Variants in IKBKB observed in about 807,000 individuals in gnomAD.
IKBKB encodes the protein inhibitor of nuclear factor kappa-B kinase subunit beta.
Under a neutral mutation model 113.6 loss-of-function variants are expected in IKBKB, and 42 were observed. The ratio of observed to expected loss-of-function variants is 0.37; its 90% CI spans 0.29 to 0.48. The LOEUF (loss-of-function observed/expected upper bound fraction) is 0.48, where lower values mean the gene tolerates loss of function less well. IKBKB is among the 20% of genes least tolerant of loss of function. The pLI is 0.99. For missense variants in IKBKB, 673 were observed against 939.7 expected, an observed-to-expected ratio of 0.72 and a Z score of 3.71; for synonymous variants, 296 against 361.3, an observed-to-expected ratio of 0.82 and a Z score of 2.05.
intron 19 of IKBKB, 192 bp from the exon 20 acceptor site, chr8:42,325,778 T>A: frequency 7.0e-7 from 1 of 1,422,208 alleles, no homozygotes; most frequent in Non-Finnish European, 9.2e-7. Flanking sequence ...AAGTCTCCGT[T>A]GATACAGAAA....
chr8:42,271,423 T>TCCCCCCCCCGGGGGCCCCCCCCCCCCCC lies in IKBKB; in HGVS notation c.-61_-60insCCCCCGGGGGCCCCCCCCCCCCCCCCCC. The TCCCCCCCCCGGGGGCCCCCCCCCCCCCC allele has an allele frequency of 6.7e-7, 1 of 1,488,672 alleles. No homozygotes were observed. The highest frequency in any genetic ancestry group is 9.0e-7 in the Non-Finnish European group (1 of 1,111,968). The allele number at this position is 1,488,672 out of a possible 1,614,324, so 92.2% of individuals were successfully genotyped here. A position where few individuals can be genotyped will look rare whatever the true frequency, so the allele number is the denominator to read the frequency against. The stretch of plus-strand genomic sequence containing the variant: ...GGGTTTGGCCGCCCCAGCCCCGCCT[T>TCCCCCCCCCGGGGGCCCCCCCCCCCCCC]CCCCGCCCCGGGGAGCCCGCCCCCT... On this transcript the variant is annotated 5_prime_UTR_variant, in exon 1 of 22. It removes the in-frame stop codon of an upstream open reading frame in the 5' UTR. Coordinates refer to ENST00000520810, the MANE Select transcript of IKBKB (RefSeq NM_001556.3).
chr8:42,330,275 T>C, intron 21 of IKBKB: 2 of 984,498 alleles, frequency 2.0e-6, no homozygotes, highest in Non-Finnish European at 2.4e-6. Context: ...AGTTTGAATA[T>C]GTAACTTAGC....
chr8:42,326,714 G>A (rs1201121758), intron 20 of IKBKB, among the ~76,000 whole-genome samples: 1 of 152,086 alleles, frequency 6.6e-6, no homozygotes, highest in South Asian at 2.1e-4. Context: ...GTCTCATCTG[G>A]GCCAGCAGTG....
At chr8:42,329,665 C>T in intron 21 of IKBKB, 1 of 985,226 alleles carries the variant, frequency 1.0e-6, no homozygotes, top group Non-Finnish European at 1.2e-6. Flanking sequence ...AGAAGCCTGT[C>T]CCCACCTGCA....
intron 2 of IKBKB, among the ~76,000 whole-genome samples, chr8:42,286,582 C>T (rs1811466807): frequency 6.6e-6 from 1 of 152,216 alleles, no homozygotes. Flanking sequence ...CCTCCCACCT[C>T]AGCCTCCTGA....
In IKBKB at chr8:42,331,477, T is replaced by C. The variant is rs201491309; in HGVS notation, c.*498T>C. On this transcript the variant is annotated 3_prime_UTR_variant, in exon 22 of 22. Transcript: ENST00000520810. Reference sequence around the variant, plus strand: ...TCCAAAGGCCCTGCTCCCTGTCCTCTCTCACTTTACAGCTTGTGTTTCTTC... The same window carrying C: ...TCCAAAGGCCCTGCTCCCTGTCCTCCCTCACTTTACAGCTTGTGTTTCTTC... 2.9e-6 allele frequency: 2 copies of C among 693,376 alleles called. No individual in the cohort carries two copies. The highest frequency in any genetic ancestry group is 5.3e-6 in the Non-Finnish European group (2 of 379,958). 43.0% of individuals were successfully genotyped at this position (693,376 alleles called of 1,614,324 possible).
At position 42,308,757 on chromosome 8, in the gene IKBKB, T is replaced by G; in HGVS notation, c.568-144T>G. 3 of 703,208 alleles carry G rather than the reference T, an allele frequency of 4.3e-6. No homozygotes were observed. In the South Asian group the frequency reaches 5.2e-5, roughly 12 times the overall value. The allele number at this position is 703,208 out of a possible 1,614,324, so 43.6% of individuals were successfully genotyped here. ...GCATGATATACCCGCTAAACATGCC[T>G]GGGGTGCCCTCCTCGCCCTGCATGC... On this transcript the variant is annotated intron_variant, in intron 7 of 21. Transcript: ENST00000520810.
intron 2 of IKBKB, among the ~76,000 whole-genome samples, chr8:42,282,268 T>C (rs1437224995): frequency 2.0e-5 from 3 of 152,348 alleles, no homozygotes; most frequent in African/African-American, 7.2e-5. Flanking sequence ...AACGCAGGTC[T>C]CGCTCTATTG....
chr8:42,274,061 C>T (rs775700922), intron 2 of IKBKB, among the ~76,000 whole-genome samples: 27 of 151,812 alleles, frequency 1.8e-4, no homozygotes, highest in Non-Finnish European at 3.5e-4. Flanking sequence ...GACAGAGTCT[C>T]GCACTGTTGC....
At position 42,315,895 on chromosome 8, in the gene IKBKB, T is replaced by G. The variant is rs372912450; in HGVS notation, c.801-315T>G. ...CCAGGCTGGTCTCAAACTCCTGACC[T>G]CAAGTGATCCACCTGCTTTGGCCTC... On this transcript the variant is annotated intron_variant, in intron 9 of 21. Coordinates refer to ENST00000520810, the MANE Select transcript of IKBKB (RefSeq NM_001556.3). Among the ~76,000 whole-genome samples the G allele has an allele frequency of 2.4e-3, 360 of 152,254 alleles. 5 individuals are homozygous for G. The Middle Eastern group carries it at 0.024, about 10-fold the overall frequency.
At chr8:42,284,879 CAG>C (rs1488985367) in intron 2 of IKBKB, among the ~76,000 whole-genome samples, 1 of 115,974 alleles carries the variant, frequency 8.6e-6, no homozygotes, top group East Asian at 2.8e-4. Flanking sequence ...TTTTTTGAGA[CAG>C]AGTCTCACTC....
intron 2 of IKBKB, among the ~76,000 whole-genome samples, chr8:42,276,898 G>A (rs1445954330): frequency 9.4e-5 from 12 of 127,648 alleles, no homozygotes; most frequent in African/African-American, 3.1e-4. Context: ...ACGGGGTCTC[G>A]CTCTGTCGCC....
intron 7 of IKBKB, among the ~76,000 whole-genome samples, chr8:42,307,752 T>A (rs934436274): frequency 2.0e-5 from 3 of 152,138 alleles, no homozygotes; most frequent in Non-Finnish European, 4.4e-5. Flanking sequence ...CCCCATGCTC[T>A]AACCAGGAGC....
intron 2 of IKBKB, among the ~76,000 whole-genome samples, chr8:42,274,455 CCCCCCA>C (rs1395565225): frequency 6.6e-6 from 1 of 151,760 alleles, no homozygotes; most frequent in Non-Finnish European, 1.5e-5. Flanking sequence ...CTCCACAACT[CCCCCCA>C]CCCCCACCAC....
At chr8:42,323,458 G>A (rs945921007) in intron 19 of IKBKB, among the ~76,000 whole-genome samples, 1 of 152,234 alleles carries the variant, frequency 6.6e-6, no homozygotes, top group Non-Finnish European at 1.5e-5. Flanking sequence ...AGGCCTGGCC[G>A]TGTTGTGGGA....
chr8:42,307,316 G>T (rs1816736925), intron 7 of IKBKB, among the ~76,000 whole-genome samples: 1 of 152,122 alleles, frequency 6.6e-6, no homozygotes, highest in African/African-American at 2.4e-5. Context: ...CTGAGAACAA[G>T]GTAGAGCACA....
Position 42,326,198 on chromosome 8 carries a change from A to T in IKBKB, c.2114+101A>T. On this transcript the variant is annotated intron_variant, in intron 20 of 21. Transcript: ENST00000520810. ...TGGTAAATGTCTGTCTGATGGTATT[A>T]CCACCTCTCTGGATGTTTGTTGCAT... 7.2e-6 allele frequency: 10 copies of T among 1,389,714 alleles called. No homozygotes were observed. The South Asian group carries it at 1.3e-4, about 18-fold the overall frequency. The allele number at this position is 1,389,714 out of a possible 1,614,324, so 86.1% of individuals were successfully genotyped here.
chr8:42,276,860 ATTTTTTT>A (rs764463407), intron 2 of IKBKB, among the ~76,000 whole-genome samples: 8 of 101,582 alleles, frequency 7.9e-5, no homozygotes, highest in Admixed American at 3.2e-4. Flanking sequence ...CACCCGGCTA[ATTTTTTT>A]TTTTTTTTTT....
chr8:42,321,997 G>A (rs765836388), intron 17 of IKBKB, 52 bp downstream of exon 17: 2 of 1,604,254 alleles, frequency 1.2e-6, no homozygotes, highest in South Asian at 2.2e-5. Context: ...CATTTATGGG[G>A]CATCACTACT....
Sources: allele counts gnomAD v4.1 joint callset (sites outside exome capture counted in the v4.1 genomes callset), GRCh38; gene constraint gnomAD v4.1.1; transcripts MANE v1.5; gene names NCBI Gene and HGNC (gene_info 2026-07-23, HGNC 2026-07-21).